The following MRPS25 variants were observed in gnomAD, a reference collection of about 807,000 sequenced individuals.
MRPS25 encodes mitochondrial ribosomal protein S25, also known as small ribosomal subunit protein mS25.
A neutral mutation model predicts 17.3 loss-of-function variants in MRPS25; 15 were observed. The ratio of observed to expected loss-of-function variants is 0.87; its 90% CI spans 0.58 to 1.34. The LOEUF (loss-of-function observed/expected upper bound fraction) is 1.34, where lower values mean the gene tolerates loss of function less well. Among genes scored for constraint, MRPS25 ranks in the 40% most tolerant of loss-of-function variants. The pLI is 0.00. For synonymous variants in MRPS25, 94 were observed against 83.3 expected (o/e 1.13, Z -0.70); for missense variants, 225 against 218.6 (o/e 1.03, Z -0.19).
rs755673267 is a variant in MRPS25 at position 15,059,391 on chromosome 3, T to C, written c.219A>G (p.Ser73=). ...QIMMFKNMTP[S]PFLRFYLDSG... ...CACCTAAGTAGAATCGCAGGAAGGG[T>C]GACGGCGTCATGTTCTTAAACATCA... The change falls in exon 2 of 4, where the codon TCA becomes TCG. Residue 73 remains serine, a synonymous_variant. Transcript: ENST00000253686. 19 of 1,613,182 alleles carry C rather than the reference T, an allele frequency of 1.2e-5. No individual in the cohort carries two copies. The Admixed American group carries it at 2.5e-4, about 21-fold the overall frequency.
At position 15,052,614 on chromosome 3, in the gene MRPS25, C is replaced by T; in HGVS notation, c.349G>A (p.Glu117Lys). 12 of 1,614,092 alleles carry T rather than the reference C, an allele frequency of 7.4e-6. No homozygotes were observed. The highest frequency in any genetic ancestry group is 1.0e-5 in the Non-Finnish European group (12 of 1,180,004). Residue 117 changes from glutamate (E) to lysine (K), a missense_variant, in exon 4 of 4, where the codon GAG becomes AAG. By Grantham distance (56) the Glu-to-Lys change is moderately conservative. Transcript: ENST00000253686. ...GKNEETLREE[E>K]EEKKQLSHPA... is the part of the protein sequence containing the mutation. ...TGAGAAAGCTGCTTTTTCTCCTCCT[C>T]CTCTTCCCTGAGGGTTTCCCTGCCA...
chr3:15,055,144 C>T (rs1198397786), intron 2 of MRPS25, among the ~76,000 whole-genome samples: 1 of 152,192 alleles, frequency 6.6e-6, no homozygotes, highest in Admixed American at 6.5e-5. Flanking sequence ...AGAGAACTCA[C>T]TACCACAGAC....
rs544785639 is a variant in MRPS25, at chr3:15,065,270, G to T, written c.-76C>A. On this transcript the variant is annotated 5_prime_UTR_variant, in exon 1 of 4. Transcript: ENST00000253686. ...CGAGAAAGGACTAGCTAGCACCCGC[G>T]CGGATCTCACGCGGCTTCTCCCCAG... 1 of 1,459,426 alleles carries T rather than the reference G, an allele frequency of 6.9e-7. No individual in the cohort carries two copies. Among genetic ancestry groups the T allele is most frequent in the Non-Finnish European group, 9.1e-7 (1 of 1,104,110 alleles). The allele number at this position is 1,459,426 out of a possible 1,614,324, so 90.4% of individuals were successfully genotyped here.
downstream of MRPS25, chr3:15,043,262 T>C (rs1259404152): frequency 9.5e-6 from 3 of 315,766 alleles, no homozygotes; most frequent in Non-Finnish European, 1.7e-5. Flanking sequence ...AATTTGTATT[T>C]AGAAATTCTC....
intron 2 of MRPS25, among the ~76,000 whole-genome samples, chr3:15,055,090 A>G (rs2125133406): frequency 6.6e-6 from 1 of 152,316 alleles, no homozygotes; most frequent in African/African-American, 2.4e-5. Flanking sequence ...GGAGCAAGAA[A>G]GAGAAGGGGG....
downstream of MRPS25, chr3:15,044,282 G>A (rs960953814): frequency 6.6e-6 from 1 of 152,320 alleles, no homozygotes; most frequent in East Asian, 1.9e-4. Flanking sequence ...TGGCAAGTCT[G>A]TTAATGTTAC....
chr3:15,045,261 A>T (rs1396096691), downstream of MRPS25: 1 of 152,246 alleles, frequency 6.6e-6, no homozygotes, highest in Non-Finnish European at 1.5e-5. Context: ...TACAAGCATA[A>T]CAGCTTTCAG....
At position 15,051,809 on chromosome 3, in the gene MRPS25, C is replaced by A; in HGVS notation, c.*632G>T. On this transcript the variant is annotated 3_prime_UTR_variant, in exon 4 of 4. Transcript: ENST00000253686. ...CATGGGTTGGCAGTGGCTGACTGGT[C>A]AGCAGGTACGTGCCTGAGTGAGGCT... 1.0e-6 allele frequency: 1 copy of A among 985,488 alleles called. No homozygotes were observed. The highest frequency in any genetic ancestry group is 1.2e-6 in the Non-Finnish European group (1 of 829,986). The allele number at this position is 985,488 out of a possible 1,614,324, so 61.0% of individuals were successfully genotyped here.
Position 15,052,322 on chromosome 3 carries a change from C to T in MRPS25, c.*119G>A. On this transcript the variant is annotated 3_prime_UTR_variant, in exon 4 of 4. Coordinates refer to ENST00000253686, the MANE Select transcript of MRPS25 (RefSeq NM_022497.5). ...ACAGGTGTGTAAAGTCCTTTTAATG[C>T]AAAAGGATTTCCAGAGTCTCCAGGG... The T allele has an allele frequency of 6.7e-7, 1 of 1,489,086 alleles. No individual in the cohort carries two copies. The highest frequency in any genetic ancestry group is 1.4e-5 in the South Asian group (1 of 71,844). 92.2% of individuals were successfully genotyped at this position (1,489,086 alleles called of 1,614,324 possible). A position where few individuals can be genotyped will look rare whatever the true frequency, so the allele number is the denominator to read the frequency against.
intron 2 of MRPS25, among the ~76,000 whole-genome samples, chr3:15,057,019 C>T (rs1034212972): frequency 1.3e-5 from 2 of 152,200 alleles, no homozygotes; most frequent in African/African-American, 4.8e-5. Flanking sequence ...GAGACCTGCG[C>T]AGCCTACACA....
intron 2 of MRPS25, among the ~76,000 whole-genome samples, chr3:15,054,100 C>CA (rs2042640713): frequency 6.6e-6 from 1 of 151,626 alleles, no homozygotes; most frequent in Non-Finnish European, 1.5e-5. Context: ...ACTAAAAATA[C>CA]AAAAAATTAG....
chr3:15,060,837 C>T (rs536338595), intron 1 of MRPS25, among the ~76,000 whole-genome samples: 1 of 152,158 alleles, frequency 6.6e-6, no homozygotes, highest in Admixed American at 6.5e-5. Context: ...GCCGAGATCG[C>T]GCCACTGCAC....
chr3:15,048,397 A>G (rs1289480165), downstream of MRPS25: 5 of 152,696 alleles, frequency 3.3e-5, no homozygotes, highest in Non-Finnish European at 7.3e-5. Flanking sequence ...ACAGCAGTCT[A>G]CAAATAATTA....
chr3:15,050,211 G>A lies in MRPS25; in HGVS notation c.*2230C>T. On this transcript the variant is annotated 3_prime_UTR_variant, in exon 4 of 4. Coordinates refer to ENST00000253686, the MANE Select transcript of MRPS25 (RefSeq NM_022497.5). ...CAAATTATCTGCTGCCTGTGAAGCT[G>A]GCCACACAGGCAGTAACTGCACCAC... is the stretch of plus-strand genomic sequence containing the variant. The A allele has an allele frequency of 9.4e-6, 11 of 1,170,422 alleles. No homozygotes were observed. Among genetic ancestry groups the A allele is most frequent in the Non-Finnish European group, 1.2e-5 (11 of 947,014 alleles). The allele number at this position is 1,170,422 out of a possible 1,614,324, so 72.5% of individuals were successfully genotyped here.
chr3:15,053,864 A>T (rs1035470037), intron 2 of MRPS25, among the ~76,000 whole-genome samples: 1 of 152,242 alleles, frequency 6.6e-6, no homozygotes, highest in Non-Finnish European at 1.5e-5. Context: ...CAAAAGAGCC[A>T]AAACAATTCT....
intron 1 of MRPS25, among the ~76,000 whole-genome samples, chr3:15,064,417 A>T (rs1254796669): frequency 1.3e-5 from 2 of 152,102 alleles, no homozygotes; most frequent in African/African-American, 4.8e-5. Flanking sequence ...CTGCCGCTGC[A>T]CAGCTGACAT....
Position 15,051,726 on chromosome 3 carries a change from T to G in MRPS25, c.*715A>C, listed in dbSNP as rs1267641516. The G allele has an allele frequency of 1.0e-6, 1 of 984,990 alleles. No homozygotes were observed. 61.0% of individuals were successfully genotyped at this position (984,990 alleles called of 1,614,324 possible). A position where few individuals can be genotyped will look rare whatever the true frequency, so the allele number is the denominator to read the frequency against. Reference sequence around the variant, plus strand: ...GCCCCAATGTCTCCACTAGGTGGTGTCTCCTCATTTCCTCCATGGCCTACA... The same window carrying G: ...GCCCCAATGTCTCCACTAGGTGGTGGCTCCTCATTTCCTCCATGGCCTACA... On this transcript the variant is annotated 3_prime_UTR_variant, in exon 4 of 4. Coordinates refer to ENST00000253686, the MANE Select transcript of MRPS25 (RefSeq NM_022497.5).
At chr3:15,063,047 GAAA>G (rs771913741) in intron 1 of MRPS25, among the ~76,000 whole-genome samples, 2 of 112,332 alleles carry the variant, frequency 1.8e-5, no homozygotes, top group Non-Finnish European at 1.9e-5. Flanking sequence ...ATGATCAATT[GAAA>G]AAAAAAAAAA....
chr3:15,053,261 T>C (rs2042628792), intron 3 of MRPS25, 119 bp downstream of exon 3: 1 of 1,530,890 alleles, frequency 6.5e-7, no homozygotes, highest in Non-Finnish European at 8.8e-7. Context: ...CTCTTATTAG[T>C]GTCTGGCGTT....
Sources: gnomAD v4.1 joint callset for allele counts (sites outside exome capture counted in the v4.1 genomes callset) on GRCh38, gnomAD v4.1.1 for gene constraint, MANE v1.5 for transcripts, NCBI Gene and HGNC (gene_info 2026-07-23, HGNC 2026-07-21) for gene names.